SPIDR: variants seen among roughly 807,000 people sequenced by gnomAD.
SPIDR encodes the protein scaffold protein involved in DNA repair.
In SPIDR, 93 loss-of-function variants were observed where a neutral mutation model predicts 104.6. That is an observed-to-expected ratio of 0.89 (90% confidence interval 0.75 to 1.06). The LOEUF (loss-of-function observed/expected upper bound fraction) is 1.06, where lower values mean the gene tolerates loss of function less well. Among genes scored for constraint, SPIDR ranks in the 50% least tolerant of loss-of-function variants. The pLI, the probability that SPIDR is intolerant of heterozygous loss-of-function variation, is 0.00. For missense variants in SPIDR, 1,154 were observed against 1,111.2 expected (o/e 1.04, Z -0.55); for synonymous variants, 431 against 416.9 (o/e 1.03, Z -0.41).
chr8:47,379,662 C>T (rs947986927), intron 5 of SPIDR, among the ~76,000 whole-genome samples: 3 of 152,230 alleles, frequency 2.0e-5, no homozygotes, highest in South Asian at 2.1e-4. Context: ...AGACTACTTA[C>T]TGCAGACTCC....
At chr8:47,376,351 G>A (rs1475003481) in intron 5 of SPIDR, among the ~76,000 whole-genome samples, 6 of 152,140 alleles carry the variant, frequency 3.9e-5, no homozygotes, top group African/African-American at 1.4e-4. Flanking sequence ...GATTGGAAGA[G>A]GATCCTGAGC....
intron 5 of SPIDR, among the ~76,000 whole-genome samples, chr8:47,316,534 C>G (rs1379288558): frequency 6.6e-6 from 1 of 152,164 alleles, no homozygotes; most frequent in African/African-American, 2.4e-5. Context: ...TGATAAGGAA[C>G]ACTGTCTTGG....
chr8:47,347,036 T>C (rs1223566697), intron 5 of SPIDR, among the ~76,000 whole-genome samples: 1 of 152,186 alleles, frequency 6.6e-6, no homozygotes, highest in African/African-American at 2.4e-5. Context: ...GTTCTGTTAA[T>C]TGTGATGTTA....
intron 5 of SPIDR, among the ~76,000 whole-genome samples, chr8:47,375,179 A>C (rs2058501584): frequency 6.7e-6 from 1 of 148,422 alleles, no homozygotes; most frequent in Non-Finnish European, 1.5e-5. Flanking sequence ...CTAGTTTAAA[A>C]GTTTTATTCT....
chr8:47,500,773 T>C (rs1586752020), intron 8 of SPIDR, among the ~76,000 whole-genome samples: 1 of 152,248 alleles, frequency 6.6e-6, no homozygotes. Context: ...TTTATGGTTT[T>C]AGGTCTAACA....
intron 8 of SPIDR, among the ~76,000 whole-genome samples, chr8:47,556,690 C>T (rs2091366185): frequency 6.6e-6 from 1 of 152,136 alleles, no homozygotes; most frequent in African/African-American, 2.4e-5. Flanking sequence ...GCCTCACACT[C>T]CTGGGCTGAT....
chr8:47,588,064 T>C (rs1328122836), intron 8 of SPIDR, among the ~76,000 whole-genome samples: 5 of 91,384 alleles, frequency 5.5e-5, no homozygotes, highest in African/African-American at 1.6e-4. Context: ...TATATATATA[T>C]ATATATATAT....
chr8:47,450,933 C>T lies in SPIDR; in HGVS notation c.1097+10391C>T, dbSNP rs528454158. ...CTTCAGCAGGTAAGATTCTGCGATC[C>T]CTGAGGAGTGGGATAATTAGATTCC... is the stretch of plus-strand genomic sequence containing the variant. On this transcript the variant is annotated intron_variant, in intron 8 of 19. Coordinates refer to ENST00000297423, the MANE Select transcript of SPIDR (RefSeq NM_001080394.4). Among the ~76,000 whole-genome samples the T allele has an allele frequency of 4.6e-5, 7 of 152,216 alleles. No homozygotes were observed. In the South Asian group the frequency reaches 1.2e-3, roughly 27 times the overall value.
intron 5 of SPIDR, among the ~76,000 whole-genome samples, chr8:47,340,054 A>T (rs1554612808): frequency 6.6e-6 from 1 of 152,034 alleles, no homozygotes; most frequent in African/African-American, 2.4e-5. Context: ...TGTATTATAG[A>T]TGTAGTATAA....
chr8:47,516,368 G>A (rs186937686), intron 8 of SPIDR, among the ~76,000 whole-genome samples: 47 of 152,186 alleles, frequency 3.1e-4, no homozygotes, highest in African/African-American at 1.1e-3. Context: ...AACCAACACC[G>A]CTCTTCATTT....
intron 8 of SPIDR, chr8:47,511,275 GACGATTA>G: frequency 7.9e-6 from 12 of 1,520,870 alleles, no homozygotes; most frequent in Non-Finnish European, 1.1e-5. Context: ...TCTCTGATTC[GACGATTA>G]AGATGGAAGA....
chr8:47,299,606 T>C (rs1240367704), intron 5 of SPIDR, among the ~76,000 whole-genome samples: 11 of 152,180 alleles, frequency 7.2e-5, no homozygotes, highest in Admixed American at 4.6e-4. Flanking sequence ...ATAGCTCTTA[T>C]TATTTTGAGA....
At position 47,608,228 on chromosome 8, in the gene SPIDR, A is replaced by C. The variant is rs980536461; in HGVS notation, c.1544+9032A>C. On this transcript the variant is annotated intron_variant, in intron 10 of 19. Transcript: ENST00000297423. ...CTTTCGTGACTGGCTTCTTTTACCTAGCATAATATTTTTAAGGTTTATCCA... is the reference window on the plus strand; with the variant it reads ...CTTTCGTGACTGGCTTCTTTTACCTCGCATAATATTTTTAAGGTTTATCCA... Among the ~76,000 whole-genome samples, 6 of 152,152 alleles carry C rather than the reference A, an allele frequency of 3.9e-5. No individual in the cohort carries two copies. In the East Asian group the frequency reaches 1.2e-3, roughly 29 times the overall value.
intron 8 of SPIDR, among the ~76,000 whole-genome samples, chr8:47,500,948 G>T (rs1389674409): frequency 1.3e-5 from 2 of 152,184 alleles, no homozygotes. Flanking sequence ...AGATCTGATG[G>T]TTGTAGATAT....
intron 16 of SPIDR, among the ~76,000 whole-genome samples, chr8:47,719,821 A>T (rs2083137241): frequency 6.6e-6 from 1 of 152,084 alleles, no homozygotes; most frequent in African/African-American, 2.4e-5. Context: ...GCACTCAAGG[A>T]ACCCAATGCT....
intron 5 of SPIDR, among the ~76,000 whole-genome samples, chr8:47,343,597 C>T (rs934486016): frequency 6.6e-6 from 1 of 152,178 alleles, no homozygotes; most frequent in Admixed American, 6.5e-5. Flanking sequence ...GGAGTCTCAT[C>T]TGCGTGTGCT....
chr8:47,430,582 G>C (rs2067186780), intron 7 of SPIDR, among the ~76,000 whole-genome samples: 2 of 152,098 alleles, frequency 1.3e-5, no homozygotes, highest in South Asian at 4.1e-4. Context: ...TGGTAGAGAG[G>C]CCGGATGCCC....
intron 5 of SPIDR, among the ~76,000 whole-genome samples, chr8:47,302,874 G>C (rs1465560670): frequency 6.6e-6 from 1 of 152,218 alleles, no homozygotes; most frequent in Non-Finnish European, 1.5e-5. Context: ...GTCCCTCCCA[G>C]TTAGGCTACT....
At chr8:47,729,775 G>T in intron 19 of SPIDR, 1 of 304,734 alleles carries the variant, frequency 3.3e-6, no homozygotes, top group Non-Finnish European at 6.1e-6. Flanking sequence ...CTAGAGCACA[G>T]TGGCGTGATC....
Sources: gnomAD v4.1 joint callset for allele counts (sites outside exome capture counted in the v4.1 genomes callset) on GRCh38, gnomAD v4.1.1 for gene constraint, MANE v1.5 for transcripts, NCBI Gene and HGNC (gene_info 2026-07-23, HGNC 2026-07-21) for gene names.